DAP3: variants seen among roughly 807,000 people sequenced by gnomAD.
DAP3 encodes small ribosomal subunit protein mS29.
Under a neutral mutation model 51.9 loss-of-function variants are expected in DAP3, and 28 were observed. The observed-to-expected ratio is 0.54, with a 90% CI of 0.40 to 0.74. The LOEUF (loss-of-function observed/expected upper bound fraction) is 0.74. DAP3 is among the 30% of genes least tolerant of loss of function. The pLI, the probability that DAP3 is intolerant of heterozygous loss-of-function variation, is 0.00. For missense variants in DAP3, 458 were observed against 483.5 expected (o/e 0.95, Z 0.49); for synonymous variants, 170 against 170.3 (o/e 1.00, Z 0.01).
At chr1:155,736,503 A>C (rs1156745928) in intron 11 of DAP3, 3 of 219,452 alleles carry the variant, frequency 1.4e-5, no homozygotes, top group Non-Finnish European at 2.7e-5. Flanking sequence ...AGCTCACTGC[A>C]ATCTCAACCT....
chr1:155,721,439 C>T, intron 3 of DAP3, 78 bp from the exon 4 acceptor site: 3 of 1,111,538 alleles, frequency 2.7e-6, no homozygotes, highest in Non-Finnish European at 4.1e-6. Context: ...TACATATATA[C>T]ACACACATAG....
chr1:155,691,699 C>T lies in DAP3; in HGVS notation c.-8+2525C>T, dbSNP rs188293154. Among the ~76,000 whole-genome samples, 220 of 142,200 alleles carry T rather than the reference C, an allele frequency of 1.5e-3. 57 individuals are homozygous for T. The highest frequency in any genetic ancestry group is 5.8e-3 in the African/African-American group (184 of 31,650). The allele number at this position is 142,200 out of a possible 152,430, so 93.3% of individuals were successfully genotyped here. A position where few individuals can be genotyped will look rare whatever the true frequency, so the allele number is the denominator to read the frequency against. On this transcript the variant is annotated intron_variant, in intron 1 of 12. Transcript: ENST00000368336. ...GGCCTCACCGCTTAAAAAATCCTAA[C>T]AGCAACATATAAGAATCCTAGTTTT...
intron 7 of DAP3, 131 bp downstream of exon 7, chr1:155,727,869 G>A (rs984723544): frequency 6.9e-6 from 8 of 1,158,526 alleles, no homozygotes; most frequent in South Asian, 6.7e-5. Context: ...TCTTTCATAC[G>A]TTTTGCTCAC....
intron 1 of DAP3, among the ~76,000 whole-genome samples, chr1:155,707,508 T>C (rs1270851709): frequency 1.3e-5 from 2 of 152,176 alleles, no homozygotes; most frequent in African/African-American, 4.8e-5. Flanking sequence ...GAGAGTTACA[T>C]TTAAGTATTT....
At chr1:155,688,718 C>CGCCCGCACG, upstream of DAP3, 2 of 1,520,044 alleles carry the variant, frequency 1.3e-6, no homozygotes, top group Non-Finnish European at 1.8e-6. Flanking sequence ...CCTCCCTCCC[C>CGCCCGCACG]GCCCGCACGG....
chr1:155,702,341 C>T (rs561523464), intron 1 of DAP3, among the ~76,000 whole-genome samples: 269 of 151,924 alleles, frequency 1.8e-3, no homozygotes, highest in African/African-American at 6.1e-3. Context: ...GGCATGGTGG[C>T]GGGTGCCTGT....
chr1:155,708,275 C>G (rs747698955), intron 1 of DAP3, among the ~76,000 whole-genome samples: 1 of 152,184 alleles, frequency 6.6e-6, no homozygotes, highest in Non-Finnish European at 1.5e-5. Context: ...TCTTGAACTC[C>G]TGACCTCAGG....
rs1405376009 is a variant in DAP3 at position 155,729,517 on chromosome 1, C to T, written c.843+151C>T. The T allele has an allele frequency of 1.0e-5, 11 of 1,101,542 alleles. No homozygotes were observed. In the South Asian group the frequency reaches 1.0e-4, roughly 10 times the overall value. 68.2% of individuals were successfully genotyped at this position (1,101,542 alleles called of 1,614,324 possible). A position where few individuals can be genotyped will look rare whatever the true frequency, so the allele number is the denominator to read the frequency against. On this transcript the variant is annotated intron_variant, in intron 9 of 12. Transcript: ENST00000368336. ...GTAAAGAGCTGGGTGCAGTGGCTCACGCCTGTAATCCCATTGGCTCACGAG... is the reference window on the plus strand; with the variant it reads ...GTAAAGAGCTGGGTGCAGTGGCTCATGCCTGTAATCCCATTGGCTCACGAG...
At chr1:155,717,233 C>T (rs1657449619) in intron 3 of DAP3, 105 bp downstream of exon 3, 1 of 1,528,574 alleles carries the variant, frequency 6.5e-7, no homozygotes, top group Non-Finnish European at 8.8e-7. Context: ...AGTAGATTTG[C>T]ATTTACTCAG....
rs112266782 is a variant in DAP3, at chr1:155,707,326, T to A, written c.-7-2447T>A. Among the ~76,000 whole-genome samples the A allele has an allele frequency of 5.7e-3, 850 of 149,360 alleles. 7 individuals carry two copies. The highest frequency in any genetic ancestry group is 0.02 in the African/African-American group (805 of 40,392). ...TACTCGGGAGGCTGAGGCAGGAGAATGGCGTGAACCCGGGAGGCGGAGCTT... is the reference window on the plus strand; with the variant it reads ...TACTCGGGAGGCTGAGGCAGGAGAAAGGCGTGAACCCGGGAGGCGGAGCTT... On this transcript the variant is annotated intron_variant, in intron 1 of 12. Coordinates refer to ENST00000368336, the MANE Select transcript of DAP3 (RefSeq NM_004632.4).
intron 1 of DAP3, among the ~76,000 whole-genome samples, chr1:155,702,221 G>A (rs1001947723): frequency 1.3e-5 from 2 of 150,830 alleles, no homozygotes; most frequent in East Asian, 2.0e-4. Context: ...TGTAATCCCA[G>A]CACTTTGGGA....
intron 9 of DAP3, among the ~76,000 whole-genome samples, chr1:155,730,111 C>A (rs549995519): frequency 3.0e-5 from 4 of 134,846 alleles, no homozygotes; most frequent in Non-Finnish European, 4.5e-5. Flanking sequence ...CACATATATT[C>A]ATATATATTT....
At chr1:155,705,031 C>T (rs1410420433) in intron 1 of DAP3, among the ~76,000 whole-genome samples, 1 of 152,118 alleles carries the variant, frequency 6.6e-6, no homozygotes, top group Non-Finnish European at 1.5e-5. Context: ...ATGGCTCATA[C>T]CTGTAATCCC....
intron 2 of DAP3, 26 bp downstream of exon 2, chr1:155,709,850 CTG>C: frequency 6.2e-7 from 1 of 1,603,732 alleles, no homozygotes. Flanking sequence ...CCTGAACACT[CTG>C]TGCATACTGC....
chr1:155,694,743 AAATAC>A, intron 1 of DAP3, among the ~76,000 whole-genome samples: 1 of 152,186 alleles, frequency 6.6e-6, no homozygotes, highest in South Asian at 2.1e-4. Context: ...TCTTCTGGGG[AAATAC>A]AAACAAACCC....
chr1:155,693,290 T>C lies in DAP3; in HGVS notation c.-8+4116T>C, dbSNP rs1654093898. Among the ~76,000 whole-genome samples, 5 of 142,026 alleles carry C rather than the reference T, an allele frequency of 3.5e-5. 1 individual carries two copies. Among genetic ancestry groups the C allele is most frequent in the Admixed American group, 6.6e-5 (1 of 15,122 alleles). 93.2% of individuals were successfully genotyped at this position (142,026 alleles called of 152,430 possible). A position where few individuals can be genotyped will look rare whatever the true frequency, so the allele number is the denominator to read the frequency against. On this transcript the variant is annotated intron_variant, in intron 1 of 12. Coordinates refer to ENST00000368336, the MANE Select transcript of DAP3 (RefSeq NM_004632.4). ...AAAGGAGGCTTGACACAGCTCTGAA[T>C]GGGCGCCATTCGGTTGGAAGAAAAC...
At chr1:155,709,898 C>A in intron 2 of DAP3, 74 bp downstream of exon 2, 2 of 1,438,460 alleles carry the variant, frequency 1.4e-6, no homozygotes, top group Non-Finnish European at 1.9e-6. Flanking sequence ...CAGATGGATT[C>A]ATTGTATCTA....
rs367639956 is a variant in DAP3, at chr1:155,729,376, C to T, written c.843+10C>T. The T allele has an allele frequency of 3.3e-5, 54 of 1,612,676 alleles. No homozygotes were observed. In the Middle Eastern group the frequency reaches 5.0e-4, roughly 15 times the overall value. On this transcript the variant is annotated intron_variant, in intron 9 of 12. Transcript: ENST00000368336. The stretch of plus-strand genomic sequence containing the variant: ...AGAAGATAAAAGCCCGGTAGGAAAA[C>T]TGGGTGTCTCTATCTTGTTTCTCTG...
intron 1 of DAP3, among the ~76,000 whole-genome samples, chr1:155,704,044 G>C (rs1655656357): frequency 6.6e-6 from 1 of 152,146 alleles, no homozygotes; most frequent in Non-Finnish European, 1.5e-5. Context: ...TTACTTAGGA[G>C]GCTGAGAAAG....
Sources: allele counts gnomAD v4.1 joint callset (sites outside exome capture counted in the v4.1 genomes callset), GRCh38; gene constraint gnomAD v4.1.1; transcripts MANE v1.5; gene names NCBI Gene and HGNC (gene_info 2026-07-23, HGNC 2026-07-21).